Variants in CCDC7 observed in about 807,000 individuals in gnomAD.
The protein encoded by CCDC7 is coiled-coil domain-containing protein 7.
Under a neutral mutation model 196.9 loss-of-function variants are expected in CCDC7, and 183 were observed. That is an observed-to-expected ratio of 0.93 (90% CI 0.82 to 1.05). The LOEUF is 1.05. CCDC7 is among the 50% of genes least tolerant of loss of function. The probability of loss-of-function intolerance (pLI) is 0.00; values close to 1 mark genes in which losing one functional copy is unlikely to be tolerated. For synonymous variants in CCDC7, 525 were observed against 484.6 expected (o/e 1.08, Z -1.10); for missense variants, 1,540 against 1,482.2 (o/e 1.04, Z -0.64).
At chr10:32,456,157 T>G (rs537988509) in intron 2 of CCDC7, 94 bp from the exon 4 acceptor site, 2 of 1,208,956 alleles carry the variant, frequency 1.7e-6, no homozygotes, top group South Asian at 6.0e-5. Context: ...TTACACAAAA[T>G]TAAAATTTTT....
intron 11 of CCDC7, among the ~76,000 whole-genome samples, chr10:32,529,393 T>C (rs2049267059): frequency 6.6e-6 from 1 of 152,232 alleles, no homozygotes; most frequent in South Asian, 2.1e-4. Context: ...CCACCAGTAG[T>C]GTAAAAGTGT....
rs2075892182 is a variant in CCDC7, at chr10:32,753,015, G to A, written c.2905+23558G>A. Among the ~76,000 whole-genome samples, 4 of 152,250 alleles carry A rather than the reference G, an allele frequency of 2.6e-5. No homozygotes were observed. The South Asian group carries it at 8.3e-4, about 32-fold the overall frequency. ...TATTCAGCTATGCAATTTAATATGG[G>A]AAATTACTAGCTTAATAAAATGAAG... On this transcript the variant is annotated intron_variant, in intron 28 of 41. Transcript: ENST00000639629.
chr10:32,584,734 CAG>C (rs35810098), intron 18 of CCDC7, among the ~76,000 whole-genome samples: 17,288 of 112,772 alleles, frequency 0.15, 1,410 homozygotes, highest in Middle Eastern at 0.28. Context: ...GCCTGGGCGA[CAG>C]AGTGACACTT....
chr10:32,741,767 A>G (rs2085893960), intron 28 of CCDC7, among the ~76,000 whole-genome samples: 1 of 152,104 alleles, frequency 6.6e-6, no homozygotes, highest in East Asian at 1.9e-4. Flanking sequence ...TTGAAAGAAT[A>G]TGTTCAATTC....
At chr10:32,523,396 A>G (rs2048165504) in intron 11 of CCDC7, among the ~76,000 whole-genome samples, 1 of 152,106 alleles carries the variant, frequency 6.6e-6, no homozygotes, top group South Asian at 2.1e-4. Flanking sequence ...AAAATACGAA[A>G]AAATTAGCTG....
chr10:32,503,988 G>C (rs2044464943), intron 9 of CCDC7, among the ~76,000 whole-genome samples: 1 of 151,392 alleles, frequency 6.6e-6, no homozygotes, highest in African/African-American at 2.4e-5. Context: ...TCTTTACTGA[G>C]GTTATTTGGG....
intron 21 of CCDC7, among the ~76,000 whole-genome samples, chr10:32,666,120 CTT>C (rs35052301): frequency 0.39 from 51,227 of 130,614 alleles, 9,381 homozygotes; most frequent in East Asian, 0.58. Context: ...TATTCTTTTT[CTT>C]TTTTTTTTTT....
chr10:32,682,783 T>TCAAAA (rs2076012321), intron 21 of CCDC7, among the ~76,000 whole-genome samples: 2 of 152,232 alleles, frequency 1.3e-5, no homozygotes, highest in Non-Finnish European at 2.9e-5. Context: ...GTTGGCAGCA[T>TCAAAA]GTATATCTTC....
chr10:32,758,029 AC>A (rs1452175899), intron 28 of CCDC7, among the ~76,000 whole-genome samples: 1 of 152,194 alleles, frequency 6.6e-6, no homozygotes, highest in African/African-American at 2.4e-5. Flanking sequence ...GGGCACATAC[AC>A]CCGCCCAAGA....
At chr10:32,842,707 C>T (rs1436490321) in intron 33 of CCDC7, among the ~76,000 whole-genome samples, 2 of 151,906 alleles carry the variant, frequency 1.3e-5, no homozygotes, top group Non-Finnish European at 2.9e-5. Flanking sequence ...GCCCATCAAT[C>T]AATGAATGGA....
At chr10:32,836,315 G>A (rs911940607) in intron 33 of CCDC7, among the ~76,000 whole-genome samples, 5 of 152,030 alleles carry the variant, frequency 3.3e-5, no homozygotes, top group African/African-American at 1.2e-4. Flanking sequence ...ATAGTCAAAA[G>A]AAATCACTAA....
intron 30 of CCDC7, among the ~76,000 whole-genome samples, chr10:32,809,989 C>T (rs2086734577): frequency 6.6e-6 from 1 of 152,110 alleles, no homozygotes; most frequent in Non-Finnish European, 1.5e-5. Flanking sequence ...AAATGTCTAT[C>T]AGTGATAGAC....
chr10:32,568,062 T>C (rs2057100233), intron 15 of CCDC7, among the ~76,000 whole-genome samples, 171 bp downstream of exon 16: 1 of 146,628 alleles, frequency 6.8e-6, no homozygotes, highest in Admixed American at 7.0e-5. Context: ...GCTAGAGTGC[T>C]ATGGTGCGAT....
chr10:32,483,375 A>T (rs1226570053), intron 8 of CCDC7, among the ~76,000 whole-genome samples: 2 of 151,968 alleles, frequency 1.3e-5, no homozygotes, highest in African/African-American at 4.8e-5. Flanking sequence ...GTTTGAGTTC[A>T]TTGTAGATTC....
intron 21 of CCDC7, among the ~76,000 whole-genome samples, chr10:32,668,022 G>C (rs1211304791): frequency 6.6e-6 from 1 of 151,930 alleles, no homozygotes; most frequent in African/African-American, 2.4e-5. Flanking sequence ...TCTTCCATTT[G>C]TTTGTATCCT....
At chr10:32,541,511 C>T (rs2051425549) in intron 11 of CCDC7, among the ~76,000 whole-genome samples, 1 of 152,222 alleles carries the variant, frequency 6.6e-6, no homozygotes, top group Non-Finnish European at 1.5e-5. Context: ...ACCCGCCTGG[C>T]TACCAGTGGT....
chr10:32,567,296 A>G (rs2056970336), intron 14 of CCDC7, among the ~76,000 whole-genome samples: 1 of 151,646 alleles, frequency 6.6e-6, no homozygotes, highest in Non-Finnish European at 1.5e-5. Context: ...TGTTTTCCAC[A>G]TTTTATTTCA....
chr10:32,662,145 A>G (rs1486139194), intron 20 of CCDC7, among the ~76,000 whole-genome samples: 6 of 152,138 alleles, frequency 3.9e-5, no homozygotes, highest in South Asian at 2.1e-4. Flanking sequence ...ACTGAGTTCA[A>G]TGCAAAGTCT....
At position 32,637,854 on chromosome 10, in the gene CCDC7, T is replaced by A. The variant is rs374902892; in HGVS notation, c.2014+2696T>A. On this transcript the variant is annotated intron_variant, in intron 20 of 41. Coordinates refer to ENST00000639629, the Ensembl canonical transcript of CCDC7. ...CATTTTCACGATATTGATTCTTCCTTCCCATGAGCATGGAATGTTCTTCCA... is the reference window on the plus strand; with the variant it reads ...CATTTTCACGATATTGATTCTTCCTACCCATGAGCATGGAATGTTCTTCCA... Among the ~76,000 whole-genome samples the A allele has an allele frequency of 9.2e-5, 14 of 152,254 alleles. No individual in the cohort carries two copies. In the South Asian group the frequency reaches 2.1e-3, roughly 23 times the overall value.
Sources: allele counts gnomAD v4.1 joint callset (sites outside exome capture counted in the v4.1 genomes callset), GRCh38; gene constraint gnomAD v4.1.1; transcripts MANE v1.5; gene names NCBI Gene and HGNC (gene_info 2026-07-23, HGNC 2026-07-21).